Variants in TNR observed in about 807,000 individuals in gnomAD.
The protein encoded by TNR is tenascin R.
Under a neutral mutation model 150.4 loss-of-function variants are expected in TNR, and 45 were observed. That is an observed-to-expected ratio of 0.30 (90% confidence interval 0.24 to 0.38). TNR has a LOEUF of 0.38. Among genes scored for constraint, TNR ranks in the 10% least tolerant of loss-of-function variants. TNR has a pLI of 1.00. For missense variants in TNR, 1,544 were observed against 1,759.1 expected, an observed-to-expected ratio of 0.88 and a Z score of 2.19; for synonymous variants, 687 against 678.4, an observed-to-expected ratio of 1.01 and a Z score of -0.20.
intron 2 of TNR, among the ~76,000 whole-genome samples, chr1:175,507,265 G>A (rs1298206343): frequency 6.6e-6 from 1 of 152,158 alleles, no homozygotes; most frequent in African/African-American, 2.4e-5. Context: ...TGCCACACGA[G>A]ATTTCATGGG....
intron 1 of TNR, among the ~76,000 whole-genome samples, chr1:175,550,721 T>C (rs570848513): frequency 1.1e-4 from 16 of 150,590 alleles, no homozygotes; most frequent in African/African-American, 3.9e-4. Context: ...AAATCTCTAG[T>C]ATAGAAAAAA....
chr1:175,507,441 C>T (rs2102155642), intron 2 of TNR, among the ~76,000 whole-genome samples: 1 of 152,298 alleles, frequency 6.6e-6, no homozygotes, highest in South Asian at 2.1e-4. Context: ...AGGAATGTTA[C>T]ATGAGTCCTT....
At chr1:175,398,767 C>A (rs760923839) in intron 4 of TNR, among the ~76,000 whole-genome samples, 1 of 152,180 alleles carries the variant, frequency 6.6e-6, no homozygotes, top group Non-Finnish European at 1.5e-5. Flanking sequence ...ACCTTCTTAG[C>A]CAATATACAA....
At chr1:175,330,471 G>T in intron 20 of TNR, 1 of 375,094 alleles carries the variant, frequency 2.7e-6, no homozygotes, top group Non-Finnish European at 4.8e-6. Context: ...AAACTCAGGG[G>T]TTCTAATACC....
chr1:175,572,623 A>G (rs911484352), intron 1 of TNR, among the ~76,000 whole-genome samples: 4 of 152,152 alleles, frequency 2.6e-5, no homozygotes, highest in African/African-American at 9.7e-5. Context: ...GGCTTATTAT[A>G]AGAAACTTAG....
At chr1:175,557,504 C>T (rs548650658) in intron 1 of TNR, among the ~76,000 whole-genome samples, 1 of 152,168 alleles carries the variant, frequency 6.6e-6, no homozygotes, top group Admixed American at 6.5e-5. Flanking sequence ...TCCCCAGCAC[C>T]TTGGACAGTT....
intron 2 of TNR, among the ~76,000 whole-genome samples, chr1:175,475,871 C>CT (rs1227157950): frequency 6.6e-6 from 1 of 152,156 alleles, no homozygotes; most frequent in Non-Finnish European, 1.5e-5. Flanking sequence ...AATCTAAGGA[C>CT]TAAAACTGGC....
chr1:175,602,489 G>A (rs557962796), intron 1 of TNR, among the ~76,000 whole-genome samples: 115 of 152,312 alleles, frequency 7.6e-4, no homozygotes, highest in African/African-American at 2.6e-3. Flanking sequence ...TTATCAACAG[G>A]TCAAGCCTAA....
At chr1:175,666,593 T>G (rs1458116503) in intron 1 of TNR, among the ~76,000 whole-genome samples, 1 of 152,242 alleles carries the variant, frequency 6.6e-6, no homozygotes, top group Non-Finnish European at 1.5e-5. Context: ...CCGTCATCAG[T>G]GAAGCCAGCT....
chr1:175,318,546 G>A lies in TNR; in HGVS notation c.*4811C>T, dbSNP rs1187482564. On this transcript the variant is annotated 3_prime_UTR_variant, in exon 23 of 23. Transcript: ENST00000367674. The stretch of plus-strand genomic sequence containing the variant: ...CATTTGGTCTGTGAGTTCTCATCTG[G>A]ACTGGTAGTGTCCAAATGACCCAGT... 6.6e-6 allele frequency: 1 copy of A among 152,212 alleles called. No individual in the cohort carries two copies. Among genetic ancestry groups the A allele is most frequent in the Admixed American group, 6.5e-5 (1 of 15,282 alleles). 9.4% of individuals were successfully genotyped at this position (152,212 alleles called of 1,614,324 possible).
intron 4 of TNR, among the ~76,000 whole-genome samples, chr1:175,400,526 A>G (rs1043129576): frequency 6.6e-6 from 1 of 152,220 alleles, no homozygotes; most frequent in African/African-American, 2.4e-5. Flanking sequence ...TTGGCACACT[A>G]TGAGGATAGA....
intron 1 of TNR, among the ~76,000 whole-genome samples, chr1:175,646,168 A>G (rs1664804185): frequency 6.6e-6 from 1 of 152,158 alleles, no homozygotes; most frequent in Non-Finnish European, 1.5e-5. Context: ...TTATCCTTCT[A>G]CTTAGATCTC....
At chr1:175,345,179 G>A (rs1021747650) in intron 18 of TNR, among the ~76,000 whole-genome samples, 4 of 152,206 alleles carry the variant, frequency 2.6e-5, no homozygotes, top group Admixed American at 2.6e-4. Flanking sequence ...AAAAAAGAGA[G>A]AGGAAGGCTT....
chr1:175,329,941 T>A, intron 21 of TNR, 133 bp downstream of exon 21: 1 of 1,065,516 alleles, frequency 9.4e-7, no homozygotes, highest in South Asian at 2.8e-5. Context: ...GCATGGCCCT[T>A]CTTCTCCCTG....
At chr1:175,462,330 CGAT>C (rs902061158) in intron 2 of TNR, among the ~76,000 whole-genome samples, 5 of 152,136 alleles carry the variant, frequency 3.3e-5, no homozygotes, top group Non-Finnish European at 7.3e-5. Context: ...ATGAAGGAAA[CGAT>C]GAGGCTGACA....
At chr1:175,487,838 T>G (rs921252881) in intron 2 of TNR, among the ~76,000 whole-genome samples, 1 of 152,196 alleles carries the variant, frequency 6.6e-6, no homozygotes, top group African/African-American at 2.4e-5. Flanking sequence ...ATTTTAGTTA[T>G]TATTCTTAAT....
rs1324849966 is a variant in TNR at position 175,426,756 on chromosome 1, G to A, written c.-63-19979C>T. Among the ~76,000 whole-genome samples the A allele has an allele frequency of 5.2e-5, 7 of 135,258 alleles. 1 individual carries two copies. The East Asian group carries it at 8.1e-4, about 16-fold the overall frequency. The allele number at this position is 135,258 out of a possible 152,430, so 88.7% of individuals were successfully genotyped here. A position where few individuals can be genotyped will look rare whatever the true frequency, so the allele number is the denominator to read the frequency against. ...CTAATGTGTGTTTATATCTATACAC[G>A]CGTGTGTGTGTATAAATATATATAC... On this transcript the variant is annotated intron_variant, in intron 2 of 22. Coordinates refer to ENST00000367674, the MANE Select transcript of TNR (RefSeq NM_003285.3).
At chr1:175,595,712 G>C (rs1201213796) in intron 1 of TNR, among the ~76,000 whole-genome samples, 1 of 152,170 alleles carries the variant, frequency 6.6e-6, no homozygotes, top group Non-Finnish European at 1.5e-5. Flanking sequence ...CAGTGTCATG[G>C]AACAGAAAGG....
intron 2 of TNR, among the ~76,000 whole-genome samples, chr1:175,430,198 C>G (rs1382621476): frequency 6.6e-6 from 1 of 152,036 alleles, no homozygotes; most frequent in Non-Finnish European, 1.5e-5. Context: ...TTCTATTGCA[C>G]CAACAAATTC....
Sources: gnomAD v4.1 joint callset for allele counts (sites outside exome capture counted in the v4.1 genomes callset) on GRCh38, gnomAD v4.1.1 for gene constraint, MANE v1.5 for transcripts, NCBI Gene and HGNC (gene_info 2026-07-23, HGNC 2026-07-21) for gene names.